OXR1: variants seen among roughly 807,000 people sequenced by gnomAD.
The protein encoded by OXR1 is oxidation resistance 1, also known as oxidation resistance protein 1.
A neutral mutation model predicts 104.6 loss-of-function variants in OXR1; 41 were observed. The observed-to-expected ratio is 0.39, with a 90% CI of 0.31 to 0.51. The LOEUF (loss-of-function observed/expected upper bound fraction) is 0.51, where lower values mean the gene tolerates loss of function less well. Among genes scored for constraint, OXR1 ranks in the 20% least tolerant of loss-of-function variants. The pLI is 0.77. For missense variants in OXR1, 955 were observed against 1,031.9 expected, an observed-to-expected ratio of 0.93 and a Z score of 1.02; for synonymous variants, 348 against 348.4, an observed-to-expected ratio of 1.00 and a Z score of 0.01.
At chr8:106,306,432 A>T (rs1238079486) in intron 1 of OXR1, among the ~76,000 whole-genome samples, 2 of 152,118 alleles carry the variant, frequency 1.3e-5, no homozygotes, top group Non-Finnish European at 2.9e-5. Context: ...ATAGTTCAAG[A>T]TATTTACCAA....
intron 3 of OXR1, among the ~76,000 whole-genome samples, chr8:106,588,069 A>G (rs1283815484): frequency 2.0e-5 from 3 of 151,764 alleles, no homozygotes; most frequent in Admixed American, 6.6e-5. Context: ...CTCCTGCCTC[A>G]GCCTCCCAAG....
intron 1 of OXR1, among the ~76,000 whole-genome samples, chr8:106,304,858 G>A (rs1368744270): frequency 6.6e-6 from 1 of 151,910 alleles, no homozygotes; most frequent in Non-Finnish European, 1.5e-5. Context: ...TGGTTAATTG[G>A]CGTTAATTAT....
chr8:106,669,647 A>G (rs542115105), intron 3 of OXR1, among the ~76,000 whole-genome samples: 117 of 152,274 alleles, frequency 7.7e-4, no homozygotes, highest in Middle Eastern at 6.8e-3. Flanking sequence ...TTGCAGCTCA[A>G]TGTTTTAAAT....
chr8:106,433,676 G>A (rs144294951), intron 2 of OXR1, among the ~76,000 whole-genome samples: 64 of 152,228 alleles, frequency 4.2e-4, no homozygotes, highest in Admixed American at 2.4e-3. Context: ...AATGTTCTCC[G>A]TTACAATTTT....
chr8:106,305,470 C>A (rs1371709961), intron 1 of OXR1, among the ~76,000 whole-genome samples: 1 of 152,094 alleles, frequency 6.6e-6, no homozygotes, highest in Admixed American at 6.6e-5. Context: ...TTAAATAATT[C>A]TTTTCATGAC....
At chr8:106,616,218 ATTTTTTTT>A (rs372788802) in intron 3 of OXR1, among the ~76,000 whole-genome samples, 1,791 of 96,022 alleles carry the variant, frequency 0.019, 17 homozygotes, top group South Asian at 0.076. Flanking sequence ...ATTTTTTGGA[ATTTTTTTT>A]TTTTTTTTTT....
At chr8:106,316,849 T>C (rs941662597) in intron 1 of OXR1, among the ~76,000 whole-genome samples, 1 of 151,950 alleles carries the variant, frequency 6.6e-6, no homozygotes, top group African/African-American at 2.4e-5. Flanking sequence ...GGTCTGATTT[T>C]ATTTATTTAT....
intron 1 of OXR1, among the ~76,000 whole-genome samples, chr8:106,325,214 C>T (rs898771666): frequency 1.3e-5 from 2 of 152,192 alleles, no homozygotes; most frequent in Non-Finnish European, 2.9e-5. Flanking sequence ...TTCCTTACCT[C>T]TTAACATATT....
intron 2 of OXR1, among the ~76,000 whole-genome samples, chr8:106,405,181 TATATATATATATATATATATAG>T (rs1563757975): frequency 5.0e-4 from 9 of 17,890 alleles, no homozygotes; most frequent in Non-Finnish European, 8.2e-4. Flanking sequence ...TATATATATA[TATATATATATATATATATATAG>T]TGTGTGTGTG....
At chr8:106,439,252 T>G (rs1819692553) in intron 2 of OXR1, among the ~76,000 whole-genome samples, 1 of 151,900 alleles carries the variant, frequency 6.6e-6, no homozygotes, top group Non-Finnish European at 1.5e-5. Flanking sequence ...TTAAGTGCCC[T>G]TATAAGGAGT....
chr8:106,444,604 G>A lies in OXR1; in HGVS notation c.24-74339G>A, dbSNP rs372948484. Reference sequence around the variant, plus strand: ...ACACAGGAACAGCGAACCAAACACCGCATGTTCTCATTCATAAGTGGGAGT... The same window carrying A: ...ACACAGGAACAGCGAACCAAACACCACATGTTCTCATTCATAAGTGGGAGT... On this transcript the variant is annotated intron_variant, in intron 2 of 16. Coordinates refer to ENST00000517566, the MANE Select transcript of OXR1 (RefSeq NM_001198533.2). 2.2e-4 allele frequency among the ~76,000 whole-genome samples: 34 copies of A among 152,070 alleles called. No individual in the cohort carries two copies. The South Asian group carries it at 6.9e-3, about 31-fold the overall frequency.
intron 2 of OXR1, among the ~76,000 whole-genome samples, chr8:106,490,495 A>G (rs1811006377): frequency 6.6e-6 from 1 of 152,078 alleles, no homozygotes; most frequent in Admixed American, 6.6e-5. Flanking sequence ...AGTAGCTGGG[A>G]CTACAGGCCT....
At chr8:106,426,652 AGTTGTGTGACCTAGG>A (rs1438025362) in intron 2 of OXR1, among the ~76,000 whole-genome samples, 1 of 152,168 alleles carries the variant, frequency 6.6e-6, no homozygotes, top group Non-Finnish European at 1.5e-5. Context: ...AGCTTCACTT[AGTTGTGTGACCTAGG>A]GCAAGTTTTT....
At chr8:106,383,272 T>G (rs957561353) in intron 2 of OXR1, among the ~76,000 whole-genome samples, 7 of 152,198 alleles carry the variant, frequency 4.6e-5, no homozygotes, top group Non-Finnish European at 8.8e-5. Context: ...TATTTCTCTA[T>G]GTAAAGTTTC....
intron 1 of OXR1, among the ~76,000 whole-genome samples, chr8:106,294,670 C>T (rs1303451960): frequency 6.6e-6 from 1 of 152,040 alleles, no homozygotes; most frequent in Non-Finnish European, 1.5e-5. Flanking sequence ...CATGGGAACT[C>T]ACTATCACAA....
chr8:106,461,802 A>G (rs567352221), intron 2 of OXR1, among the ~76,000 whole-genome samples: 3 of 148,446 alleles, frequency 2.0e-5, no homozygotes, highest in South Asian at 2.1e-4. Context: ...GAGTGTTTCT[A>G]TTGCACCAAA....
intron 3 of OXR1, among the ~76,000 whole-genome samples, chr8:106,575,391 A>G (rs1817752271): frequency 6.6e-6 from 1 of 152,134 alleles, no homozygotes; most frequent in African/African-American, 2.4e-5. Context: ...CACTAGCATT[A>G]TTACAATTAA....
At chr8:106,673,364 A>T (rs1221204626) in intron 3 of OXR1, among the ~76,000 whole-genome samples, 1 of 152,218 alleles carries the variant, frequency 6.6e-6, no homozygotes, top group Non-Finnish European at 1.5e-5. Flanking sequence ...ATCTAGCAGA[A>T]GAAATTTCTA....
chr8:106,454,472 A>T (rs1820493880), intron 2 of OXR1, among the ~76,000 whole-genome samples: 1 of 150,888 alleles, frequency 6.6e-6, no homozygotes, highest in Non-Finnish European at 1.5e-5. Context: ...AAAAAAAAAA[A>T]AAGAAAAATT....
Sources: gnomAD v4.1 joint callset for allele counts (sites outside exome capture counted in the v4.1 genomes callset) on GRCh38, gnomAD v4.1.1 for gene constraint, MANE v1.5 for transcripts, NCBI Gene and HGNC (gene_info 2026-07-23, HGNC 2026-07-21) for gene names.